The following YEATS4 variants were observed in gnomAD, a reference collection of about 807,000 sequenced individuals.
The protein encoded by YEATS4 is YEATS domain containing 4.
In YEATS4, 17 loss-of-function variants were observed where a neutral mutation model predicts 30.1. The observed-to-expected ratio is 0.56, with a 90% confidence interval of 0.39 to 0.85. The LOEUF (loss-of-function observed/expected upper bound fraction) is 0.85. YEATS4 is among the 40% of genes least tolerant of loss of function. YEATS4 has a pLI of 0.00. For missense variants in YEATS4, 142 were observed against 268.3 expected, an observed-to-expected ratio of 0.53 and a Z score of 3.29; for synonymous variants, 85 against 87.5, an observed-to-expected ratio of 0.97 and a Z score of 0.16.
At chr12:69,381,315 G>A (rs1255440119) in intron 6 of YEATS4, among the ~76,000 whole-genome samples, 1 of 152,206 alleles carries the variant, frequency 6.6e-6, no homozygotes, top group Non-Finnish European at 1.5e-5. Flanking sequence ...TTTGAAAGAA[G>A]AGAAATATGG....
chr12:69,368,129 T>C (rs936041713), intron 4 of YEATS4, among the ~76,000 whole-genome samples: 1 of 152,348 alleles, frequency 6.6e-6, no homozygotes, highest in East Asian at 1.9e-4. Context: ...GGTTTTTTAG[T>C]ATTATTAAAC....
the YEATS4 span, among the ~76,000 whole-genome samples, chr12:69,408,630 C>T: frequency 6.6e-6 from 1 of 152,200 alleles, no homozygotes; most frequent in Non-Finnish European, 1.5e-5. Flanking sequence ...TCAAGAGGCA[C>T]CTTCCAGAGA....
At chr12:69,391,718 C>A (rs1377861715), downstream of YEATS4, among the ~76,000 whole-genome samples, 2 of 152,168 alleles carry the variant, frequency 1.3e-5, no homozygotes, top group African/African-American at 4.8e-5. Context: ...CTTTTATCCC[C>A]ATGCCTACCT....
chr12:69,360,936 G>C (rs1875176982), intron 1 of YEATS4, among the ~76,000 whole-genome samples: 1 of 151,206 alleles, frequency 6.6e-6, no homozygotes, highest in Non-Finnish European at 1.5e-5. Context: ...GGTGGCTCAC[G>C]CCTGTAATCC....
the YEATS4 span, among the ~76,000 whole-genome samples, chr12:69,414,955 T>A: frequency 6.6e-6 from 1 of 152,200 alleles, no homozygotes; most frequent in African/African-American, 2.4e-5. Context: ...AAAGTCTCCA[T>A]CAATGTATTA....
chr12:69,410,810 T>C, the YEATS4 span, among the ~76,000 whole-genome samples: 1 of 152,252 alleles, frequency 6.6e-6, no homozygotes, highest in South Asian at 2.1e-4. Context: ...CAAGACCACA[T>C]GCACAGGGCC....
the YEATS4 span, among the ~76,000 whole-genome samples, chr12:69,415,229 G>T: frequency 6.6e-5 from 10 of 152,144 alleles, no homozygotes; most frequent in Non-Finnish European, 1.0e-4. Context: ...AAGTTGTTCA[G>T]TGGGCAAAAG....
downstream of YEATS4, among the ~76,000 whole-genome samples, chr12:69,392,512 T>G (rs538119350): frequency 6.6e-6 from 1 of 152,374 alleles, no homozygotes; most frequent in African/African-American, 2.4e-5. Flanking sequence ...TTTTTAAATG[T>G]GGTATCTCCA....
At chr12:69,375,459 T>G (rs1875828245) in intron 6 of YEATS4, among the ~76,000 whole-genome samples, 1 of 135,894 alleles carries the variant, frequency 7.4e-6, no homozygotes, top group Non-Finnish European at 1.6e-5. Flanking sequence ...TCCCAGACGA[T>G]GGGCGGCCAG....
At chr12:69,394,229 A>T (rs902636682), downstream of YEATS4, among the ~76,000 whole-genome samples, 9 of 152,236 alleles carry the variant, frequency 5.9e-5, no homozygotes, top group Non-Finnish European at 1.2e-4. Context: ...GAAATGGCAT[A>T]ATGGCACAAC....
intron 6 of YEATS4, among the ~76,000 whole-genome samples, chr12:69,387,029 T>A (rs1473149988): frequency 6.6e-6 from 1 of 152,094 alleles, no homozygotes; most frequent in Admixed American, 6.5e-5. Context: ...TTATTCTACT[T>A]TTTACTCACC....
At chr12:69,394,811 G>A (rs75482390), downstream of YEATS4, among the ~76,000 whole-genome samples, 1,066 of 152,108 alleles carry the variant, frequency 7.0e-3, 6 homozygotes, top group African/African-American at 0.021. Context: ...TGAACTCCTG[G>A]GCTCAAGCAA....
At chr12:69,370,408 C>G (rs1479762373) in intron 4 of YEATS4, among the ~76,000 whole-genome samples, 2 of 152,116 alleles carry the variant, frequency 1.3e-5, no homozygotes, top group Non-Finnish European at 2.9e-5. Flanking sequence ...AGTGATTTCT[C>G]AGTTTAATTT....
the YEATS4 span, among the ~76,000 whole-genome samples, chr12:69,406,774 TTTA>T: frequency 9.9e-5 from 15 of 152,236 alleles, no homozygotes; most frequent in East Asian, 2.9e-3. Context: ...TAATTATTCT[TTTA>T]TTATTAGACA....
the YEATS4 span, among the ~76,000 whole-genome samples, chr12:69,426,795 T>A: frequency 6.6e-6 from 1 of 152,230 alleles, no homozygotes; most frequent in Admixed American, 6.5e-5. Flanking sequence ...CTGTTCATTT[T>A]AAAAATAATC....
At chr12:69,415,166 G>C in the YEATS4 span, among the ~76,000 whole-genome samples, 1 of 152,144 alleles carries the variant, frequency 6.6e-6, no homozygotes, top group Non-Finnish European at 1.5e-5. Flanking sequence ...AGAAACAGGG[G>C]ATGTTGATTC....
chr12:69,413,353 GAAAAA>G, the YEATS4 span, among the ~76,000 whole-genome samples: 218 of 110,614 alleles, frequency 2.0e-3, 3 homozygotes, highest in East Asian at 0.029. Context: ...GTCTCTAAAT[GAAAAA>G]AAAAAAAAAA....
intron 6 of YEATS4, among the ~76,000 whole-genome samples, chr12:69,389,169 G>C (rs2121076866): frequency 6.6e-6 from 1 of 152,162 alleles, no homozygotes; most frequent in East Asian, 1.9e-4. Context: ...TTTCACCTGG[G>C]CCGGGCCTGG....
At chr12:69,417,522 C>A in the YEATS4 span, among the ~76,000 whole-genome samples, 3 of 152,174 alleles carry the variant, frequency 2.0e-5, no homozygotes, top group East Asian at 5.8e-4. Flanking sequence ...CAGATGAGAA[C>A]GTATGACCGA....
Sources: allele counts gnomAD v4.1 joint callset (sites outside exome capture counted in the v4.1 genomes callset), GRCh38; gene constraint gnomAD v4.1.1; transcripts MANE v1.5; gene names NCBI Gene and HGNC (gene_info 2026-07-23, HGNC 2026-07-21).